EPHA6: variants seen among roughly 807,000 people sequenced by gnomAD.
EPHA6 encodes ephrin type-A receptor 6.
In EPHA6, 50 loss-of-function variants were observed where a neutral mutation model predicts 112.0. The observed-to-expected ratio is 0.45, with a 90% CI of 0.36 to 0.56. The LOEUF (loss-of-function observed/expected upper bound fraction) is 0.56. Among genes scored for constraint, EPHA6 ranks in the 20% least tolerant of loss-of-function variants. EPHA6 has a pLI of 0.00. For missense variants in EPHA6, 1,280 were observed against 1,417.4 expected (o/e 0.90, Z 1.56); for synonymous variants, 529 against 490.7 (o/e 1.08, Z -1.03).
intron 10 of EPHA6, among the ~76,000 whole-genome samples, chr3:97,508,990 T>C: frequency 1.2e-5 from 1 of 86,300 alleles, no homozygotes; most frequent in East Asian, 3.0e-4. Flanking sequence ...CTGGCTTTTT[T>C]TTTTTTTTTT....
chr3:97,507,298 G>T (rs2107577191), intron 10 of EPHA6, among the ~76,000 whole-genome samples: 1 of 152,266 alleles, frequency 6.6e-6, no homozygotes, highest in Non-Finnish European at 1.5e-5. Context: ...TTGGCTGTGG[G>T]TTTGTCATAA....
intron 1 of EPHA6, among the ~76,000 whole-genome samples, chr3:96,847,842 T>G (rs1489581897): frequency 2.6e-5 from 4 of 151,980 alleles, no homozygotes; most frequent in Non-Finnish European, 4.4e-5. Context: ...GTAGGTAGAG[T>G]AGAAAGGATC....
At chr3:96,917,862 A>T (rs955124823) in intron 2 of EPHA6, among the ~76,000 whole-genome samples, 1 of 152,174 alleles carries the variant, frequency 6.6e-6, no homozygotes, top group African/African-American at 2.4e-5. Context: ...TAGTGTTATG[A>T]CACCCCCAAA....
At chr3:96,933,270 A>G (rs879296073) in intron 2 of EPHA6, among the ~76,000 whole-genome samples, 1 of 152,148 alleles carries the variant, frequency 6.6e-6, no homozygotes, top group East Asian at 1.9e-4. Context: ...GAGGGAAAGA[A>G]GAAGAAAGTA....
chr3:97,157,929 A>G (rs1049068592), intron 3 of EPHA6, among the ~76,000 whole-genome samples: 1 of 152,154 alleles, frequency 6.6e-6, no homozygotes, highest in Non-Finnish European at 1.5e-5. Flanking sequence ...TAGGTATTCC[A>G]TGGCTCAGTC....
intron 7 of EPHA6, among the ~76,000 whole-genome samples, chr3:97,457,259 AGT>A (rs2090721111): frequency 6.6e-6 from 1 of 152,214 alleles, no homozygotes; most frequent in Non-Finnish European, 1.5e-5. Flanking sequence ...CTGGTTGTAG[AGT>A]ATCATAGCGA....
intron 5 of EPHA6, among the ~76,000 whole-genome samples, chr3:97,260,848 A>G (rs865831454): frequency 1.3e-5 from 2 of 152,206 alleles, no homozygotes; most frequent in Admixed American, 6.5e-5. Flanking sequence ...TTTGAAATCC[A>G]TAAATGCCAG....
chr3:97,174,998 C>G (rs2076797792), intron 3 of EPHA6, among the ~76,000 whole-genome samples: 1 of 151,762 alleles, frequency 6.6e-6, no homozygotes, highest in Non-Finnish European at 1.5e-5. Flanking sequence ...GAGTTTACCC[C>G]AAAGTTTTCT....
chr3:97,106,262 C>T (rs1381423266), intron 3 of EPHA6, among the ~76,000 whole-genome samples: 1 of 152,008 alleles, frequency 6.6e-6, no homozygotes, highest in Non-Finnish European at 1.5e-5. Context: ...CTCAGTTTAT[C>T]CAGTGATACT....
At chr3:97,679,573 T>A (rs1180952149) in intron 14 of EPHA6, among the ~76,000 whole-genome samples, 2 of 152,122 alleles carry the variant, frequency 1.3e-5, no homozygotes, top group African/African-American at 4.8e-5. Flanking sequence ...GGGAATATAA[T>A]TAGATGTTTA....
intron 2 of EPHA6, among the ~76,000 whole-genome samples, chr3:96,881,364 C>G (rs1410690595): frequency 6.6e-6 from 1 of 152,130 alleles, no homozygotes; most frequent in Non-Finnish European, 1.5e-5. Context: ...ATGAAAGGCT[C>G]TTCTTACATG....
intron 3 of EPHA6, among the ~76,000 whole-genome samples, chr3:97,059,632 G>A (rs569774379): frequency 6.6e-6 from 1 of 150,714 alleles, no homozygotes; most frequent in African/African-American, 2.4e-5. Flanking sequence ...CAATTTTGTT[G>A]TTGTGAATTT....
chr3:97,000,032 G>T (rs2043582822), intron 3 of EPHA6, among the ~76,000 whole-genome samples: 1 of 151,694 alleles, frequency 6.6e-6, no homozygotes. Flanking sequence ...TTAGTATATT[G>T]TTAAATGTGT....
chr3:97,445,357 T>G lies in EPHA6; in HGVS notation c.1732-3211T>G, dbSNP rs113698727. 8.3e-3 allele frequency among the ~76,000 whole-genome samples: 1,261 copies of G among 152,228 alleles called. 21 individuals carry two copies. The highest frequency in any genetic ancestry group is 0.028 in the African/African-American group (1,177 of 41,548). ...GCTTTGCAACCCACGCAACTATGCC[T>G]TTGGAGGTTCACTTTATGCCATTTA... is the stretch of plus-strand genomic sequence containing the variant. On this transcript the variant is annotated intron_variant, in intron 6 of 17. Transcript: ENST00000389672.
chr3:97,471,657 A>G (rs1043604794), intron 7 of EPHA6, among the ~76,000 whole-genome samples: 6 of 151,686 alleles, frequency 4.0e-5, no homozygotes, highest in African/African-American at 1.5e-4. Context: ...CTCTTCACGT[A>G]CATTGTATAG....
chr3:97,020,521 A>G (rs2044419584), intron 3 of EPHA6, among the ~76,000 whole-genome samples: 1 of 152,166 alleles, frequency 6.6e-6, no homozygotes, highest in African/African-American at 2.4e-5. Flanking sequence ...CAGGATGGAG[A>G]GACAGAGCTA....
chr3:97,700,565 T>C (rs564989309), intron 14 of EPHA6, among the ~76,000 whole-genome samples: 1 of 152,206 alleles, frequency 6.6e-6, no homozygotes, highest in African/African-American at 2.4e-5. Flanking sequence ...AATATTTGTG[T>C]AACTTTTAGG....
intron 2 of EPHA6, among the ~76,000 whole-genome samples, chr3:96,908,005 C>A (rs775100708): frequency 1.4e-4 from 22 of 151,950 alleles, no homozygotes; most frequent in Non-Finnish European, 2.7e-4. Context: ...ACCTGGTACA[C>A]ATCTAGGCTA....
intron 3 of EPHA6, among the ~76,000 whole-genome samples, chr3:97,138,579 T>C (rs1426925344): frequency 2.6e-5 from 4 of 152,170 alleles, no homozygotes; most frequent in Non-Finnish European, 5.9e-5. Flanking sequence ...CCCCTCCCTA[T>C]CACAGCCAAA....
Sources: allele counts gnomAD v4.1 joint callset (sites outside exome capture counted in the v4.1 genomes callset), GRCh38; gene constraint gnomAD v4.1.1; transcripts MANE v1.5; gene names NCBI Gene and HGNC (gene_info 2026-07-23, HGNC 2026-07-21).